Variants in SPTBN5 observed in about 807,000 individuals in gnomAD.
SPTBN5 encodes spectrin beta, non-erythrocytic 5.
In SPTBN5, 513 loss-of-function variants were observed where a neutral mutation model predicts 477.6. That is an observed-to-expected ratio of 1.07 (90% confidence interval 1.00 to 1.16). The LOEUF (loss-of-function observed/expected upper bound fraction) is 1.16, where lower values mean the gene tolerates loss of function less well. Ranked by LOEUF, SPTBN5 falls within the 50% of genes most tolerant of loss-of-function variation. The probability of loss-of-function intolerance (pLI) is 0.00; values close to 1 mark genes in which losing one functional copy is unlikely to be tolerated. For missense variants in SPTBN5, 5,062 were observed against 4,731.8 expected, an observed-to-expected ratio of 1.07 and a Z score of -2.05; for synonymous variants, 2,169 against 2,011.7, an observed-to-expected ratio of 1.08 and a Z score of -2.09.
At chr15:41,871,969 G>A in intron 27 of SPTBN5, 52 bp from the exon 28 acceptor site, 1 of 1,465,954 alleles carries the variant, frequency 6.8e-7, no homozygotes, top group South Asian at 1.4e-5. Context: ...CCCCCCTGGG[G>A]GCCAGTCGGG....
In SPTBN5 at chr15:41,870,503, G is replaced by A; in HGVS notation, c.5505C>T (p.Asp1835=). The change falls in exon 30 of 68, where the codon GAC becomes GAT. Residue 1835 remains aspartate (D), a synonymous_variant. Coordinates refer to ENST00000320955, the MANE Select transcript of SPTBN5 (RefSeq NM_016642.4). The part of the protein sequence containing the change: ...LTQARGHALR[D]TETTLRVHRD... ...TGTGAACTCTGAGGGTGGTCTCGGT[G>A]TCTCGGAGCGCGTGGCCTCGGGCCT... 4 of 1,612,930 alleles carry A rather than the reference G, an allele frequency of 2.5e-6. No individual in the cohort carries two copies. Among genetic ancestry groups the A allele is most frequent in the Non-Finnish European group, 3.4e-6 (4 of 1,179,770 alleles).
At chr15:41,875,369 C>T in intron 22 of SPTBN5, 89 bp downstream of exon 22, 1 of 1,444,806 alleles carries the variant, frequency 6.9e-7, no homozygotes, top group Non-Finnish European at 9.2e-7. Context: ...CCAGGGTCAG[C>T]AGAACACCCA....
Position 41,857,220 on chromosome 15 carries a change from G to A in SPTBN5, c.8621+18C>T, listed in dbSNP as rs925351813. On this transcript the variant is annotated intron_variant, in intron 51 of 67. Transcript: ENST00000320955. ...CAGGAAGGCAGGGAAGAGAAGCTGAGGGCACGGGTGGATCTACCTCTGAAG... is the reference window on the plus strand; with the variant it reads ...CAGGAAGGCAGGGAAGAGAAGCTGAAGGCACGGGTGGATCTACCTCTGAAG... 1.9e-6 allele frequency: 3 copies of A among 1,575,516 alleles called. No homozygotes were observed. In the African/African-American group the frequency reaches 4.0e-5, roughly 21 times the overall value.
chr15:41,882,255 C>T lies in SPTBN5; in HGVS notation c.2247+14G>A, dbSNP rs2066988149. 1 of 1,435,532 alleles carries T rather than the reference C, an allele frequency of 7.0e-7. No homozygotes were observed. The highest frequency in any genetic ancestry group is 9.2e-7 in the Non-Finnish European group (1 of 1,088,498). The allele number at this position is 1,435,532 out of a possible 1,614,324, so 88.9% of individuals were successfully genotyped here. On this transcript the variant is annotated intron_variant, in intron 11 of 67. Transcript: ENST00000320955. ...GGGCCCCGCCCCCACCCCGCCTCCA[C>T]CCCTCCCCACTACCTGCAGGACCAG... is the stretch of plus-strand genomic sequence containing the variant.
intron 66 of SPTBN5, chr15:41,850,269 TG>T (rs2065708392): frequency 2.6e-6 from 1 of 385,074 alleles, no homozygotes; most frequent in Non-Finnish European, 4.9e-6. Context: ...GACAGACTCT[TG>T]GGAGGAGAGT....
In SPTBN5 at chr15:41,872,408, G is replaced by C. The variant is rs765947415; in HGVS notation, c.5059C>G (p.Gln1687Glu). Reference sequence around the variant, plus strand: ...GGGCCAGTGAGGGTTTGGGCCGTCTGGTCAAGCTCCTCCATGGAGCTCCAG... The same window carrying C: ...GGGCCAGTGAGGGTTTGGGCCGTCTCGTCAAGCTCCTCCATGGAGCTCCAG... Reference protein sequence around the residue: ...IYWSSMEELDQTAQTLTGPEV... With the variant: ...IYWSSMEELDETAQTLTGPEV... Residue 1687 changes from glutamine (Q) to glutamate (E), a missense_variant, in exon 27 of 68, where the codon CAG becomes GAG. Physicochemically the swap from Gln to Glu is conservative, Grantham distance 29. Transcript: ENST00000320955. 5 of 1,597,064 alleles carry C rather than the reference G, an allele frequency of 3.1e-6. No homozygotes were observed. The East Asian group carries it at 9.1e-5, about 29-fold the overall frequency.
chr15:41,874,096 G>A (rs1023066148), intron 24 of SPTBN5, 51 bp from the exon 25 acceptor site: 1 of 1,543,306 alleles, frequency 6.5e-7, no homozygotes, highest in Non-Finnish European at 8.7e-7. Flanking sequence ...GGGGCGTCCG[G>A]AGCAGAGCCA....
chr15:41,885,956 G>T lies in SPTBN5; in HGVS notation c.1299C>A (p.His433Gln). Reference sequence around the variant, plus strand: ...GGAAACTCTCCCGGAGGGCTGCCTTGTGCTGGAAGCGCCGGGCCAGGGTTT... The same window carrying T: ...GGAAACTCTCCCGGAGGGCTGCCTTTTGCTGGAAGCGCCGGGCCAGGGTTT... ...RLETLARRFQ[H>Q]KAALRESFLK... The change falls in exon 7 of 68, where the codon CAC becomes CAA. Residue 433 changes from histidine to glutamine, a missense_variant. Physicochemically the swap from His to Gln is conservative, Grantham distance 24. Transcript: ENST00000320955. The T allele has an allele frequency of 1.3e-6, 2 of 1,562,554 alleles. No homozygotes were observed. Among genetic ancestry groups the T allele is most frequent in the African/African-American group, 1.4e-5 (1 of 73,592 alleles).
chr15:41,854,456 C>T (rs533342588), intron 56 of SPTBN5, among the ~76,000 whole-genome samples: 9 of 151,914 alleles, frequency 5.9e-5, no homozygotes, highest in Middle Eastern at 3.4e-3. Flanking sequence ...GAAAGGCAGA[C>T]GCGAGGTGTT....
In SPTBN5 at chr15:41,879,506, A is replaced by C. The variant is rs934358582; in HGVS notation, c.2943-7T>G. On this transcript the variant is annotated splice_region_variant and splice_polypyrimidine_tract_variant and intron_variant, in intron 15 of 67. Coordinates refer to ENST00000320955, the MANE Select transcript of SPTBN5 (RefSeq NM_016642.4). ...GGCCTCCAGCTGCCCCCACCTGGGC[A>C]GAGGGTACAAGGTTGTCTCCACAAC... 9 of 1,552,160 alleles carry C rather than the reference A, an allele frequency of 5.8e-6. No individual in the cohort carries two copies. The African/African-American group carries it at 1.1e-4, about 19-fold the overall frequency.
At position 41,879,401 on chromosome 15, in the gene SPTBN5, A is replaced by G. The variant is rs751740719; in HGVS notation, c.3041T>C (p.Val1014Ala). Reference sequence around the variant, plus strand: ...CTGGAGGAGCACGTCTCGCAGCTGGACCTGTGTGGGTCCACACTCCTGCAG... The same window carrying G: ...CTGGAGGAGCACGTCTCGCAGCTGGGCCTGTGTGGGTCCACACTCCTGCAG... ...SFLQECGPTQVQLRDVLLQLE... is the reference protein window; with the variant it reads ...SFLQECGPTQAQLRDVLLQLE... Residue 1014 changes from valine to alanine, a missense_variant, in exon 16 of 68, where the codon GTC becomes GCC. Physicochemically the swap from Val to Ala is moderately conservative, Grantham distance 64. Transcript: ENST00000320955. The G allele has an allele frequency of 5.6e-6, 9 of 1,610,756 alleles. No homozygotes were observed. The highest frequency in any genetic ancestry group is 6.8e-6 in the Non-Finnish European group (8 of 1,179,788).
chr15:41,858,486 A>G (rs2065993180), intron 49 of SPTBN5, 116 bp downstream of exon 49: 3 of 1,297,300 alleles, frequency 2.3e-6, no homozygotes, highest in African/African-American at 1.5e-5. Flanking sequence ...GCCTGCATGC[A>G]GAAAGTACTG....
At chr15:41,872,506 C>T (rs1369056689) in intron 26 of SPTBN5, 47 bp from the exon 27 acceptor site, 4 of 1,525,736 alleles carry the variant, frequency 2.6e-6, no homozygotes, top group Non-Finnish European at 3.5e-6. Flanking sequence ...GGTGACTCAT[C>T]CACCCACCTG....
Position 41,852,168 on chromosome 15 carries a change from A to G in SPTBN5, c.10584+14T>C. 2 of 1,578,436 alleles carry G rather than the reference A, an allele frequency of 1.3e-6. No homozygotes were observed. The highest frequency in any genetic ancestry group is 1.1e-5 in the South Asian group (1 of 87,462). ...CCACGGCGGGGGTGCCTGCAGCCCCATAGGGACACCTGCCTGGGGGTCCCT... is the reference window on the plus strand; with the variant it reads ...CCACGGCGGGGGTGCCTGCAGCCCCGTAGGGACACCTGCCTGGGGGTCCCT... On this transcript the variant is annotated intron_variant, in intron 62 of 67. Transcript: ENST00000320955.
At position 41,879,269 on chromosome 15, in the gene SPTBN5, A is replaced by C. The variant is rs777139931; in HGVS notation, c.3173T>G (p.Val1058Gly). The C allele has an allele frequency of 6.2e-7, 1 of 1,611,194 alleles. No individual in the cohort carries two copies. The highest frequency in any genetic ancestry group is 8.5e-7 in the Non-Finnish European group (1 of 1,179,262). ...ACTGCGCTGGCCGTACTTTACGACC[A>C]CACTTTGGAGGAAGTGGACCCTCCT... ...LERRVHFLQS[V>G]VVKVEEPGYA... is the part of the protein sequence containing the mutation. The change falls in exon 16 of 68, where the codon GTG becomes GGG. Residue 1058 changes from valine to glycine, a missense_variant. Coordinates refer to ENST00000320955, the MANE Select transcript of SPTBN5 (RefSeq NM_016642.4).
chr15:41,870,270 C>A lies in SPTBN5; in HGVS notation c.5646G>T (p.Glu1882Asp). 1 of 1,552,278 alleles carries A rather than the reference C, an allele frequency of 6.4e-7. No homozygotes were observed. Reference sequence around the variant, plus strand: ...GCCGCTCGGTGCCCACGAGTTCTCGCTCCAGCCCCTGGTGGCTTCTCAGCT... The same window carrying A: ...GCCGCTCGGTGCCCACGAGTTCTCGATCCAGCCCCTGGTGGCTTCTCAGCT... Reference protein sequence around the residue: ...EAQLRSHQGLERELVGTERQL... With the variant: ...EAQLRSHQGLDRELVGTERQL... Residue 1882 changes from glutamate (E) to aspartate (D), a missense_variant, in exon 31 of 68, where the codon GAG (glutamate) becomes GAT (aspartate). Glu to Asp is a conservative substitution (Grantham distance 45). Transcript: ENST00000320955.
In SPTBN5 at chr15:41,854,910, C is replaced by A; in HGVS notation, c.9490G>T (p.Ala3164Ser). Residue 3164 changes from alanine to serine, a missense_variant, in exon 56 of 68, where the codon GCC becomes TCC. Transcript: ENST00000320955. Reference sequence around the variant, plus strand: ...AGGGTGCCTGCCAACTTCCTCAGGGCATACACCTTGGCCTGGCCCAGGCTC... The same window carrying A: ...AGGGTGCCTGCCAACTTCCTCAGGGAATACACCTTGGCCTGGCCCAGGCTC... ...VQSLGQAKVY[A>S]LRKLAGTLER... The A allele has an allele frequency of 6.2e-7, 1 of 1,603,994 alleles. No homozygotes were observed. Among genetic ancestry groups the A allele is most frequent in the South Asian group, 1.1e-5 (1 of 89,694 alleles).
Position 41,875,474 on chromosome 15 carries a change from A to C in SPTBN5, c.4271T>G (p.Leu1424Arg). The change falls in exon 22 of 68, where the codon CTC becomes CGC. Residue 1424 changes from leucine (L) to arginine (R), a missense_variant. Physicochemically the swap from Leu to Arg is moderately radical, Grantham distance 102. Coordinates refer to ENST00000320955, the MANE Select transcript of SPTBN5 (RefSeq NM_016642.4). Reference protein sequence around the residue: ...ELQQAGQQEQLLRQLQDAKEQ... With the variant: ...ELQQAGQQEQRLRQLQDAKEQ... ...CCAGTGGACCTGCAGCTGCCTCAGG[A>C]GTTGCTCCTGCTGTCCAGCCTGCTG... The C allele has an allele frequency of 6.2e-7, 1 of 1,612,256 alleles. No homozygotes were observed. Among genetic ancestry groups the C allele is most frequent in the Non-Finnish European group, 8.5e-7 (1 of 1,179,488 alleles).
In SPTBN5 at chr15:41,874,367, C is replaced by T. The variant is rs377560523; in HGVS notation, c.4614G>A (p.Glu1538=). Residue 1538 remains glutamate, a synonymous_variant, in exon 24 of 68, where the codon GAG becomes GAA. Coordinates refer to ENST00000320955, the MANE Select transcript of SPTBN5 (RefSeq NM_016642.4). ...LSNMELSWVA[E]HMPHGSPTSY... ...TGGTGGGGCTGCCATGGGGCATGTG[C>T]TCGGCTACCCAAGAGAGCTCCATGT... The T allele has an allele frequency of 9.3e-5, 150 of 1,613,756 alleles. 2 individuals are homozygous for T. In the South Asian group the frequency reaches 1.1e-3, roughly 12 times the overall value.
Sources: gnomAD v4.1 joint callset for allele counts (sites outside exome capture counted in the v4.1 genomes callset) on GRCh38, gnomAD v4.1.1 for gene constraint, MANE v1.5 for transcripts, NCBI Gene and HGNC (gene_info 2026-07-23, HGNC 2026-07-21) for gene names.